Variants in KCTD8 observed in about 807,000 individuals in gnomAD.
KCTD8 encodes potassium channel tetramerization domain containing 8, also known as BTB/POZ domain-containing protein KCTD8.
A neutral mutation model predicts 31.5 loss-of-function variants in KCTD8; 27 were observed. That is an observed-to-expected ratio of 0.86 (90% CI 0.63 to 1.18). KCTD8 has a LOEUF of 1.18. KCTD8 is among the 50% of genes most tolerant of loss of function. The pLI, the probability that KCTD8 is intolerant of heterozygous loss-of-function variation, is 0.00. For missense variants in KCTD8, 658 were observed against 647.7 expected (o/e 1.02, Z -0.17); for synonymous variants, 290 against 280.0 (o/e 1.04, Z -0.36).
chr4:44,447,535 C>G, intron 1 of KCTD8, 28 bp downstream of exon 1: 1 of 1,514,136 alleles, frequency 6.6e-7, no homozygotes, highest in Middle Eastern at 1.8e-4. Context: ...GCGAGGGGTG[C>G]TGGGAAACGC....
intron 1 of KCTD8, among the ~76,000 whole-genome samples, chr4:44,281,207 A>G (rs1716895610): frequency 6.6e-6 from 1 of 152,122 alleles, no homozygotes; most frequent in South Asian, 2.1e-4. Flanking sequence ...CACTTGTAAA[A>G]TAATCTCCAT....
rs953116234 is a variant in KCTD8 at position 44,270,915 on chromosome 4, C to T, written c.962-95665G>A. ...CATTTCTTTTTACCAAAGTCCCTAC[C>T]CAACATTTTTTCTTCTTTCATTCCT... is the stretch of plus-strand genomic sequence containing the variant. On this transcript the variant is annotated intron_variant, in intron 1 of 1. Transcript: ENST00000360029. Among the ~76,000 whole-genome samples, 5 of 152,060 alleles carry T rather than the reference C, an allele frequency of 3.3e-5. No individual in the cohort carries two copies. The East Asian group carries it at 9.7e-4, about 30-fold the overall frequency.
rs185345444 is a variant in KCTD8 at position 44,254,186 on chromosome 4, A to T, written c.962-78936T>A. Among the ~76,000 whole-genome samples the T allele has an allele frequency of 2.5e-3, 380 of 151,994 alleles. 1 individual carries two copies. The highest frequency in any genetic ancestry group is 8.3e-3 in the African/African-American group (345 of 41,510). ...GAATGTGTTCAGAGAGAGATTAGTT[A>T]AAAAAAGTGAACTGTTTAGTTATTA... On this transcript the variant is annotated intron_variant, in intron 1 of 1. Transcript: ENST00000360029.
At chr4:44,262,456 A>T (rs961923097) in intron 1 of KCTD8, among the ~76,000 whole-genome samples, 3 of 152,092 alleles carry the variant, frequency 2.0e-5, no homozygotes, top group Non-Finnish European at 4.4e-5. Flanking sequence ...AAAAGACATT[A>T]AAAATATATA....
At position 44,229,903 on chromosome 4, in the gene KCTD8, G is replaced by A. The variant is rs367695525; in HGVS notation, c.962-54653C>T. On this transcript the variant is annotated intron_variant, in intron 1 of 1. Coordinates refer to ENST00000360029, the MANE Select transcript of KCTD8 (RefSeq NM_198353.3). ...GCAGGTTTGTTACATAGGTATACACGTGCCATGGTGGTTTGCTGCACCCAT... is the reference window on the plus strand; with the variant it reads ...GCAGGTTTGTTACATAGGTATACACATGCCATGGTGGTTTGCTGCACCCAT... 4.0e-5 allele frequency among the ~76,000 whole-genome samples: 6 copies of A among 151,608 alleles called. No homozygotes were observed. The East Asian group carries it at 7.7e-4, about 20-fold the overall frequency.
chr4:44,324,068 C>CAAAAAAAAAAAAAAAAGAAAAA (rs1193748312), intron 1 of KCTD8, among the ~76,000 whole-genome samples: 1 of 128,274 alleles, frequency 7.8e-6, no homozygotes, highest in Non-Finnish European at 1.7e-5. Context: ...CAAAACAAAA[C>CAAAAAAAAAAAAAAAAGAAAAA]AAAACAAAAA....
At chr4:44,181,971 GC>G (rs1345771080) in intron 1 of KCTD8, among the ~76,000 whole-genome samples, 2 of 151,108 alleles carry the variant, frequency 1.3e-5, no homozygotes, top group Non-Finnish European at 1.5e-5. Context: ...GAGCCCCTCC[GC>G]CCGGCAGCCG....
intron 1 of KCTD8, among the ~76,000 whole-genome samples, chr4:44,249,206 AT>A (rs1236973573): frequency 6.6e-6 from 1 of 151,782 alleles, no homozygotes; most frequent in Admixed American, 6.6e-5. Flanking sequence ...ATTATTTCTT[AT>A]GAACAAAGAA....
intron 1 of KCTD8, among the ~76,000 whole-genome samples, chr4:44,230,007 C>A (rs1375153322): frequency 4.6e-5 from 7 of 151,720 alleles, no homozygotes; most frequent in Non-Finnish European, 1.0e-4. Context: ...GTGGGATGTT[C>A]CCCTCCCTGT....
intron 1 of KCTD8, among the ~76,000 whole-genome samples, chr4:44,288,712 A>G (rs995611745): frequency 2.6e-5 from 4 of 152,038 alleles, no homozygotes; most frequent in Non-Finnish European, 5.9e-5. Flanking sequence ...TCAGATATAC[A>G]AAAGTAAAAA....
chr4:44,305,442 T>C (rs1456314926), intron 1 of KCTD8, among the ~76,000 whole-genome samples: 3 of 151,638 alleles, frequency 2.0e-5, no homozygotes, highest in Non-Finnish European at 4.4e-5. Context: ...CAGCTATATT[T>C]ATATCAAATT....
At chr4:44,328,780 G>GA (rs988954618) in intron 1 of KCTD8, among the ~76,000 whole-genome samples, 3 of 151,764 alleles carry the variant, frequency 2.0e-5, no homozygotes, top group Admixed American at 1.3e-4. Flanking sequence ...AGTAATTTTG[G>GA]AAAATCCATT....
At chr4:44,282,311 A>G (rs1716924969) in intron 1 of KCTD8, among the ~76,000 whole-genome samples, 1 of 151,960 alleles carries the variant, frequency 6.6e-6, no homozygotes, top group Non-Finnish European at 1.5e-5. Flanking sequence ...TTGCTCAGTG[A>G]CCTTTGATGT....
chr4:44,191,958 T>C (rs1713776875), intron 1 of KCTD8, among the ~76,000 whole-genome samples: 1 of 152,148 alleles, frequency 6.6e-6, no homozygotes, highest in African/African-American at 2.4e-5. Context: ...TTGAAATCCC[T>C]AATAAAAATT....
intron 1 of KCTD8, among the ~76,000 whole-genome samples, chr4:44,446,489 C>A (rs768039360): frequency 5.9e-5 from 9 of 152,142 alleles, no homozygotes; most frequent in Non-Finnish European, 1.3e-4. Flanking sequence ...TGTCTTTTCA[C>A]TTCATAAACG....
intron 1 of KCTD8, among the ~76,000 whole-genome samples, chr4:44,200,118 A>C (rs1714093470): frequency 6.6e-6 from 1 of 151,838 alleles, no homozygotes; most frequent in Non-Finnish European, 1.5e-5. Context: ...GAAAGTGAAA[A>C]CCTGAACGGA....
chr4:44,235,525 TTATATATATATATATATATATATATATA>T (rs752341720), intron 1 of KCTD8, among the ~76,000 whole-genome samples: 39 of 55,084 alleles, frequency 7.1e-4, no homozygotes, highest in South Asian at 2.1e-3. Context: ...AGACACTGGA[TTATATATATATATATATATATATATATA>T]TATATATATA....
At chr4:44,321,391 T>C (rs1718292002) in intron 1 of KCTD8, among the ~76,000 whole-genome samples, 1 of 152,206 alleles carries the variant, frequency 6.6e-6, no homozygotes, top group South Asian at 2.1e-4. Context: ...TTAATGACTG[T>C]ATTTGGGCAT....
In KCTD8 at chr4:44,416,505, C is replaced by T. The variant is rs183007164; in HGVS notation, c.961+31058G>A. Among the ~76,000 whole-genome samples, 158 of 152,208 alleles carry T rather than the reference C, an allele frequency of 1.0e-3. 1 individual carries two copies. Among genetic ancestry groups the T allele is most frequent in the Admixed American group, 2.6e-3 (40 of 15,284 alleles). On this transcript the variant is annotated intron_variant, in intron 1 of 1. Transcript: ENST00000360029. ...GAAATGTAATCCCCAATGTTGGAGG[C>T]GGGACCTAGTGGTAGGTATTTGATC...
Sources: allele counts gnomAD v4.1 joint callset (sites outside exome capture counted in the v4.1 genomes callset), GRCh38; gene constraint gnomAD v4.1.1; transcripts MANE v1.5; gene names NCBI Gene and HGNC (gene_info 2026-07-23, HGNC 2026-07-21).